The following COL22A1 variants were observed in gnomAD, a reference collection of about 807,000 sequenced individuals.
COL22A1 encodes collagen alpha-1(XXII) chain.
A neutral mutation model predicts 248.9 loss-of-function variants in COL22A1; 221 were observed. That is an observed-to-expected ratio of 0.89 (90% confidence interval 0.80 to 0.99). The LOEUF is 0.99. COL22A1 is among the 50% of genes least tolerant of loss of function. The pLI, the probability that COL22A1 is intolerant of heterozygous loss-of-function variation, is 0.00. For synonymous variants in COL22A1, 891 were observed against 793.4 expected, an observed-to-expected ratio of 1.12 and a Z score of -2.07; for missense variants, 2,240 against 2,179.0, an observed-to-expected ratio of 1.03 and a Z score of -0.56.
chr8:138,877,610 C>T, intron 3 of COL22A1, 140 bp downstream of exon 3: 1 of 804,962 alleles, frequency 1.2e-6, no homozygotes, highest in African/African-American at 1.8e-5. Context: ...AATGTGGGTC[C>T]CCTCAGCCTC....
Position 138,848,729 on chromosome 8 carries a change from C to T in COL22A1, c.659-4571G>A, listed in dbSNP as rs575477827. On this transcript the variant is annotated intron_variant, in intron 3 of 64. Coordinates refer to ENST00000303045, the MANE Select transcript of COL22A1 (RefSeq NM_152888.3). ...ACCATCCTACAAGGTAGATTTTCTT[C>T]CCATTACACAGATATAAAAACTGAG... Among the ~76,000 whole-genome samples, 7 of 152,292 alleles carry T rather than the reference C, an allele frequency of 4.6e-5. No individual in the cohort carries two copies. The South Asian group carries it at 1.2e-3, about 27-fold the overall frequency.
chr8:138,768,886 G>A (rs530806461), intron 16 of COL22A1, among the ~76,000 whole-genome samples: 16 of 152,086 alleles, frequency 1.1e-4, no homozygotes, highest in South Asian at 4.2e-4. Context: ...TCAGTGAGCC[G>A]AGATAGTGCC....
At chr8:138,621,930 G>C (rs1207810732) in intron 52 of COL22A1, among the ~76,000 whole-genome samples, 2 of 152,146 alleles carry the variant, frequency 1.3e-5, no homozygotes, top group African/African-American at 4.8e-5. Flanking sequence ...AGCTCGTTGA[G>C]ACTTTTCAAT....
At chr8:138,843,236 C>T (rs1024684039) in intron 4 of COL22A1, among the ~76,000 whole-genome samples, 2 of 152,272 alleles carry the variant, frequency 1.3e-5, no homozygotes, top group African/African-American at 4.8e-5. Context: ...CAGCAGAGCA[C>T]GGTGACATGG....
At chr8:138,757,461 T>G (rs2131372837) in intron 18 of COL22A1, among the ~76,000 whole-genome samples, 1 of 93,584 alleles carries the variant, frequency 1.1e-5, no homozygotes, top group Non-Finnish European at 2.3e-5. Context: ...ATATTATTAT[T>G]ATATTACACC....
At chr8:138,797,002 A>G (rs1245644208) in intron 11 of COL22A1, 145 bp from the exon 12 acceptor site, 4 of 697,532 alleles carry the variant, frequency 5.7e-6, no homozygotes, top group Admixed American at 2.1e-5. Context: ...AATGGTGACT[A>G]TTGTTAACTG....
At chr8:138,859,611 C>T (rs1202028859) in intron 3 of COL22A1, among the ~76,000 whole-genome samples, 1 of 152,176 alleles carries the variant, frequency 6.6e-6, no homozygotes, top group Admixed American at 6.5e-5. Context: ...GGGCTGAGAC[C>T]TAGAGAGGGC....
Position 138,724,624 on chromosome 8 carries a change from A to C in COL22A1, c.2238T>G (p.Pro746=). Residue 746 remains proline, a synonymous_variant, in exon 25 of 65, where the codon CCT becomes CCG. Coordinates refer to ENST00000303045, the MANE Select transcript of COL22A1 (RefSeq NM_152888.3). Reference sequence around the variant, plus strand: ...GTTTCCGAACACTCACCGTGGGCCCAGGAGGTCCAGGCTTTCCCGGGAAGC... The same window carrying C: ...GTTTCCGAACACTCACCGTGGGCCCCGGAGGTCCAGGCTTTCCCGGGAAGC... The part of the protein sequence containing the change: ...EIGFPGKPGP[P]GPTGPPGKDG... 1 of 1,614,146 alleles carries C rather than the reference A, an allele frequency of 6.2e-7. No individual in the cohort carries two copies. The highest frequency in any genetic ancestry group is 8.5e-7 in the Non-Finnish European group (1 of 1,179,994).
intron 27 of COL22A1, among the ~76,000 whole-genome samples, chr8:138,717,365 T>A (rs1298335512): frequency 6.6e-6 from 1 of 152,170 alleles, no homozygotes; most frequent in Non-Finnish European, 1.5e-5. Context: ...GCCAGGATGG[T>A]CTTGATCTCC....
chr8:138,658,890 T>C (rs1182291439), intron 44 of COL22A1, among the ~76,000 whole-genome samples: 1 of 133,244 alleles, frequency 7.5e-6, no homozygotes, highest in Non-Finnish European at 1.6e-5. Flanking sequence ...CTCTTCTCTC[T>C]CTCTCTCCCT....
chr8:138,732,890 T>C (rs1047699967), intron 23 of COL22A1, among the ~76,000 whole-genome samples: 1 of 152,230 alleles, frequency 6.6e-6, no homozygotes, highest in Non-Finnish European at 1.5e-5. Flanking sequence ...CTAGTTCCAA[T>C]TGGATTTATA....
At chr8:138,888,834 A>T (rs992772021) in intron 1 of COL22A1, among the ~76,000 whole-genome samples, 1 of 152,182 alleles carries the variant, frequency 6.6e-6, no homozygotes, top group Admixed American at 6.5e-5. Context: ...GGACTTGTCC[A>T]TTCTGTTGCC....
At chr8:138,811,994 C>T (rs911691994) in intron 8 of COL22A1, 73 bp from the exon 9 acceptor site, 103 of 1,451,598 alleles carry the variant, frequency 7.1e-5, no homozygotes, top group Non-Finnish European at 8.0e-5. Flanking sequence ...AGCACAGTGT[C>T]GGGTGCTTCC....
intron 30 of COL22A1, among the ~76,000 whole-genome samples, chr8:138,706,711 C>G (rs1412338405): frequency 6.6e-6 from 1 of 152,118 alleles, no homozygotes; most frequent in Non-Finnish European, 1.5e-5. Flanking sequence ...GACACCCTAA[C>G]ATCACAATTA....
chr8:138,694,689 G>C, intron 33 of COL22A1, 128 bp from the exon 34 acceptor site: 1 of 1,357,732 alleles, frequency 7.4e-7, no homozygotes, highest in Non-Finnish European at 1.0e-6. Flanking sequence ...GCGTCCTGAG[G>C]AGAAGAAAGG....
intron 62 of COL22A1, among the ~76,000 whole-genome samples, chr8:138,596,702 C>T (rs1817564043): frequency 6.6e-6 from 1 of 152,156 alleles, no homozygotes; most frequent in South Asian, 2.1e-4. Flanking sequence ...CAAGTGAAAG[C>T]TGAAGGACTA....
At chr8:138,666,853 T>C (rs539771769) in intron 41 of COL22A1, among the ~76,000 whole-genome samples, 52 of 152,350 alleles carry the variant, frequency 3.4e-4, no homozygotes, top group Admixed American at 9.8e-4. Flanking sequence ...GGATGCGTTT[T>C]TAAATTAAAG....
At chr8:138,762,317 G>A in intron 17 of COL22A1, 96 bp downstream of exon 17, 1 of 1,234,322 alleles carries the variant, frequency 8.1e-7, no homozygotes, top group Non-Finnish European at 1.2e-6. Context: ...AGGAGGCCCA[G>A]GTGCTGAGGC....
At chr8:138,684,369 G>A (rs369800413) in intron 39 of COL22A1, 56 bp downstream of exon 39, 29 of 1,151,960 alleles carry the variant, frequency 2.5e-5, no homozygotes, top group Middle Eastern at 3.9e-4. Flanking sequence ...ATTTTTCCAC[G>A]TTCTCTTTCA....
Sources: allele counts gnomAD v4.1 joint callset (sites outside exome capture counted in the v4.1 genomes callset), GRCh38; gene constraint gnomAD v4.1.1; transcripts MANE v1.5; gene names NCBI Gene and HGNC (gene_info 2026-07-23, HGNC 2026-07-21).